NLN: variants seen among roughly 807,000 people sequenced by gnomAD.
The protein encoded by NLN is neurolysin, also known as neurolysin, mitochondrial.
Under a neutral mutation model 79.9 loss-of-function variants are expected in NLN, and 64 were observed. That is an observed-to-expected ratio of 0.80 (90% CI 0.65 to 0.99). The LOEUF (loss-of-function observed/expected upper bound fraction) is 0.99, where lower values mean the gene tolerates loss of function less well. NLN is among the 50% of genes least tolerant of loss of function. NLN has a pLI of 0.00. For synonymous variants in NLN, 267 were observed against 296.6 expected (o/e 0.90, Z 1.02); for missense variants, 835 against 858.7 (o/e 0.97, Z 0.34).
intron 12 of NLN, among the ~76,000 whole-genome samples, chr5:65,821,943 T>C (rs13169111): frequency 0.016 from 2,371 of 152,326 alleles, 22 homozygotes; most frequent in Non-Finnish European, 0.021. Context: ...CTTCTTGTAC[T>C]AAGTCCTTTT....
chr5:65,781,069 C>T (rs751353359), intron 5 of NLN, among the ~76,000 whole-genome samples, 192 bp from the exon 6 acceptor site: 15 of 152,090 alleles, frequency 9.9e-5, no homozygotes, highest in Non-Finnish European at 2.1e-4. Flanking sequence ...TTGCCGTCTC[C>T]CAAGGCACCT....
intron 1 of NLN, among the ~76,000 whole-genome samples, chr5:65,747,042 A>G (rs73099381): frequency 0.011 from 1,728 of 151,774 alleles, 28 homozygotes; most frequent in African/African-American, 0.04. Context: ...GAGAGAGATG[A>G]TGTTTCATGG....
At chr5:65,807,907 G>GATAT (rs1760452422) in intron 9 of NLN, among the ~76,000 whole-genome samples, 1 of 152,140 alleles carries the variant, frequency 6.6e-6, no homozygotes, top group Non-Finnish European at 1.5e-5. Context: ...ATATCTGTAA[G>GATAT]GTATGCCTGT....
intron 1 of NLN, among the ~76,000 whole-genome samples, chr5:65,746,846 T>C (rs1419818727): frequency 6.6e-6 from 1 of 151,156 alleles, no homozygotes; most frequent in African/African-American, 2.4e-5. Context: ...CTACTAAAAG[T>C]ACAAAAAATT....
At position 65,733,321 on chromosome 5, in the gene NLN, C is replaced by G. The variant is rs1758653469; in HGVS notation, c.41+10907C>G. On this transcript the variant is annotated intron_variant, in intron 1 of 12. Coordinates refer to ENST00000380985, the MANE Select transcript of NLN (RefSeq NM_020726.5). ...TTAAAGGACTGTCAGATCCAGGACTCCCAACTCAGGCTCCTCCTGCCTGCC... is the reference window on the plus strand; with the variant it reads ...TTAAAGGACTGTCAGATCCAGGACTGCCAACTCAGGCTCCTCCTGCCTGCC... 13 of 1,513,012 alleles carry G rather than the reference C, an allele frequency of 8.6e-6. No homozygotes were observed. In the East Asian group the frequency reaches 2.9e-4, roughly 34 times the overall value. The allele number at this position is 1,513,012 out of a possible 1,614,324, so 93.7% of individuals were successfully genotyped here.
intron 6 of NLN, among the ~76,000 whole-genome samples, chr5:65,783,295 T>G (rs1020838406): frequency 1.3e-5 from 2 of 151,572 alleles, no homozygotes; most frequent in Non-Finnish European, 2.9e-5. Context: ...TTTACCACAA[T>G]TTTTTTTTAA....
intron 1 of NLN, among the ~76,000 whole-genome samples, chr5:65,753,553 G>A (rs556391652): frequency 6.6e-6 from 1 of 151,962 alleles, no homozygotes; most frequent in South Asian, 2.1e-4. Context: ...GGAAGGCTGA[G>A]GCACGAGAAT....
intron 9 of NLN, among the ~76,000 whole-genome samples, chr5:65,796,325 T>C (rs899822229): frequency 6.6e-6 from 1 of 152,230 alleles, no homozygotes; most frequent in African/African-American, 2.4e-5. Flanking sequence ...TCCCATTATT[T>C]CTTACATTAA....
chr5:65,737,394 TC>T (rs1758750726), intron 1 of NLN, among the ~76,000 whole-genome samples: 1 of 152,200 alleles, frequency 6.6e-6, no homozygotes, highest in Admixed American at 6.5e-5. Flanking sequence ...TATTAATACT[TC>T]CATAGTACAA....
intron 1 of NLN, among the ~76,000 whole-genome samples, chr5:65,753,024 G>C (rs145641201): frequency 6.6e-6 from 1 of 152,246 alleles, no homozygotes; most frequent in Non-Finnish European, 1.5e-5. Flanking sequence ...AGTTGCCTTG[G>C]AAACTATAAA....
chr5:65,746,247 G>C (rs1758976725), intron 1 of NLN, among the ~76,000 whole-genome samples: 1 of 152,062 alleles, frequency 6.6e-6, no homozygotes, highest in Non-Finnish European at 1.5e-5. Context: ...AAAGACAACT[G>C]ATGATAAAAA....
rs1226159632 is a variant in NLN at position 65,827,040 on chromosome 5, G to T, written c.*4125G>T. 6.6e-6 allele frequency: 1 copy of T among 151,634 alleles called. No individual in the cohort carries two copies. The highest frequency in any genetic ancestry group is 1.5e-5 in the Non-Finnish European group (1 of 67,992). The allele number at this position is 151,634 out of a possible 1,614,324, so 9.4% of individuals were successfully genotyped here. A position where few individuals can be genotyped will look rare whatever the true frequency, so the allele number is the denominator to read the frequency against. On this transcript the variant is annotated 3_prime_UTR_variant, in exon 13 of 13. Transcript: ENST00000380985. ...CCACTGGAAACAGATCCACCTAAGT[G>T]ATTATCTAGTATCAGCTGTATCAAG...
At chr5:65,794,598 C>A (rs910532391) in intron 9 of NLN, among the ~76,000 whole-genome samples, 1 of 151,530 alleles carries the variant, frequency 6.6e-6, no homozygotes, top group Admixed American at 6.6e-5. Context: ...AAGTGAGACC[C>A]GGTCTCAAAA....
chr5:65,785,679 T>A (rs990938485), intron 6 of NLN, 96 bp from the exon 7 acceptor site: 11 of 999,826 alleles, frequency 1.1e-5, no homozygotes, highest in Non-Finnish European at 1.6e-5. Context: ...TTTGATAATT[T>A]TACAAACCTA....
At chr5:65,754,680 C>T (rs118065605) in intron 1 of NLN, among the ~76,000 whole-genome samples, 1 of 152,196 alleles carries the variant, frequency 6.6e-6, no homozygotes, top group Non-Finnish European at 1.5e-5. Flanking sequence ...ATCCCTCTTC[C>T]TCCCACACCC....
At chr5:65,788,030 G>A in intron 7 of NLN, 88 bp from the exon 8 acceptor site, 2 of 1,311,338 alleles carry the variant, frequency 1.5e-6, no homozygotes, top group East Asian at 2.3e-5. Context: ...TGCAAAGGAG[G>A]AAGCACCATG....
At chr5:65,795,886 A>G (rs1038517318) in intron 9 of NLN, among the ~76,000 whole-genome samples, 2 of 152,190 alleles carry the variant, frequency 1.3e-5, no homozygotes, top group Non-Finnish European at 2.9e-5. Context: ...TATATTACTT[A>G]TATTATCCAA....
chr5:65,751,321 G>A (rs764094648), intron 1 of NLN, among the ~76,000 whole-genome samples: 31 of 152,286 alleles, frequency 2.0e-4, no homozygotes, highest in Middle Eastern at 3.4e-3. Context: ...CTAATAAAAC[G>A]TGTTTCCCTG....
intron 11 of NLN, among the ~76,000 whole-genome samples, chr5:65,811,010 C>T (rs984696766): frequency 6.6e-6 from 1 of 152,182 alleles, no homozygotes; most frequent in Non-Finnish European, 1.5e-5. Flanking sequence ...GGGGGAGAAG[C>T]ATGAACTTCA....
Sources: allele counts gnomAD v4.1 joint callset (sites outside exome capture counted in the v4.1 genomes callset), GRCh38; gene constraint gnomAD v4.1.1; transcripts MANE v1.5; gene names NCBI Gene and HGNC (gene_info 2026-07-23, HGNC 2026-07-21).